Variants in SPI1 observed in about 807,000 individuals in gnomAD.
SPI1 encodes transcription factor PU.1.
SPI1 carries 3 observed loss-of-function variants against 30.7 expected under a neutral mutation model. The observed-to-expected ratio is 0.10, with a 90% CI of 0.04 to 0.25. SPI1 has a LOEUF of 0.25. SPI1 is among the 10% of genes least tolerant of loss of function. The pLI, the probability that SPI1 is intolerant of heterozygous loss-of-function variation, is 1.00. For missense variants in SPI1, 261 were observed against 371.5 expected (o/e 0.70, Z 2.45); for synonymous variants, 169 against 157.1 (o/e 1.08, Z -0.56).
rs115534041 is a variant in SPI1 at position 47,376,153 on chromosome 11, C to T, written c.46-424G>A. The stretch of plus-strand genomic sequence containing the variant: ...CAGCCCCTACCCACCCCCATGCAGG[C>T]GCCTGCACACTATCCCTCACACACA... On this transcript the variant is annotated intron_variant, in intron 1 of 4. Coordinates refer to ENST00000378538, the MANE Select transcript of SPI1 (RefSeq NM_003120.3). Among the ~76,000 whole-genome samples, 808 of 152,072 alleles carry T rather than the reference C, an allele frequency of 5.3e-3. 12 individuals carry two copies. The highest frequency in any genetic ancestry group is 0.018 in the African/African-American group (753 of 41,444).
At chr11:47,372,766 G>T (rs11039213) in intron 2 of SPI1, among the ~76,000 whole-genome samples, 2 of 152,216 alleles carry the variant, frequency 1.3e-5, no homozygotes, top group East Asian at 3.9e-4. Context: ...TCCTCTGCAC[G>T]TTACCTTACC....
chr11:47,355,081 G>T lies in SPI1; in HGVS notation c.*146C>A. ...CGGGATGTGGAGGGGGCCTGGAGTG[G>T]GGGGAGGGGGCGGGTGAGGCGAGGC... is the stretch of plus-strand genomic sequence containing the variant. On this transcript the variant is annotated 3_prime_UTR_variant, in exon 5 of 5. Coordinates refer to ENST00000378538, the MANE Select transcript of SPI1 (RefSeq NM_003120.3). The T allele has an allele frequency of 4.2e-6, 2 of 474,888 alleles. No individual in the cohort carries two copies. Among genetic ancestry groups the T allele is most frequent in the African/African-American group, 2.1e-5 (1 of 48,570 alleles). The allele number at this position is 474,888 out of a possible 1,614,324, so 29.4% of individuals were successfully genotyped here. A position where few individuals can be genotyped will look rare whatever the true frequency, so the allele number is the denominator to read the frequency against.
At chr11:47,360,795 A>G (rs2095919593) in intron 2 of SPI1, among the ~76,000 whole-genome samples, 1 of 145,588 alleles carries the variant, frequency 6.9e-6, no homozygotes. Context: ...ACTGCACTCC[A>G]GCCTGGCGAC....
intron 2 of SPI1, among the ~76,000 whole-genome samples, chr11:47,360,993 T>C (rs1378925043): frequency 7.1e-6 from 1 of 140,786 alleles, no homozygotes; most frequent in Non-Finnish European, 1.5e-5. Context: ...TGGTGGCGGG[T>C]GCCTGTAGTC....
chr11:47,362,650 A>G (rs2095922528), intron 2 of SPI1, among the ~76,000 whole-genome samples: 1 of 141,318 alleles, frequency 7.1e-6, no homozygotes, highest in Non-Finnish European at 1.5e-5. Context: ...ATATCGGCTC[A>G]CTGCAACCTC....
chr11:47,378,196 C>G, intron 1 of SPI1, 113 bp downstream of exon 1: 1 of 1,174,670 alleles, frequency 8.5e-7, no homozygotes, highest in African/African-American at 1.5e-5. Context: ...GAAACCCTGA[C>G]TTCCCACTGA....
At chr11:47,367,338 T>G (rs2095929762) in intron 2 of SPI1, among the ~76,000 whole-genome samples, 1 of 151,846 alleles carries the variant, frequency 6.6e-6, no homozygotes, top group Non-Finnish European at 1.5e-5. Flanking sequence ...TGGATCATTT[T>G]AGGTCAGGAG....
rs1472818255 is a variant in SPI1, at chr11:47,359,810, G to C, written c.330+43C>G. ...GTGAAGCTCCCGGGCCCCACCACAG[G>C]CCTGGCAGTCTCCTGGGGGACGGGG... On this transcript the variant is annotated intron_variant, in intron 3 of 4. Transcript: ENST00000378538. This position sits in a 1 kb window ranked among gnomAD's most constrained non-coding sequence, Gnocchi z 5.1. 10 of 1,591,360 alleles carry C rather than the reference G, an allele frequency of 6.3e-6. No homozygotes were observed. The highest frequency in any genetic ancestry group is 8.5e-6 in the Non-Finnish European group (10 of 1,173,446).
chr11:47,358,390 A>G, intron 4 of SPI1: 1 of 615,184 alleles, frequency 1.6e-6, no homozygotes, highest in Non-Finnish European at 3.0e-6. Context: ...CACTGACATC[A>G]TACGTGCACA....
rs1032809675 is a variant in SPI1 at position 47,378,348 on chromosome 11, T to A, written c.6A>T (p.Leu2Phe). Reference protein sequence around the residue: MLQACKMEGFPL... With the variant: MFQACKMEGFPL... ...GAAACCCTTCCATTTTGCACGCCTGTAACATCCAGCCGGGCTCCGAGTCGG... is the reference window on the plus strand; with the variant it reads ...GAAACCCTTCCATTTTGCACGCCTGAAACATCCAGCCGGGCTCCGAGTCGG... The change falls in exon 1 of 5, where the codon TTA (leucine) becomes TTT (phenylalanine). Residue 2 changes from leucine (L) to phenylalanine (F), a missense_variant. By Grantham distance (22) the Leu-to-Phe change is conservative. Transcript: ENST00000378538. 3.7e-6 allele frequency: 6 copies of A among 1,613,226 alleles called. No individual in the cohort carries two copies. In the Admixed American group the frequency reaches 1.0e-4, roughly 27 times the overall value.
In SPI1 at chr11:47,378,354, C is replaced by A; in HGVS notation, c.-1G>T. On this transcript the variant is annotated 5_prime_UTR_variant, in exon 1 of 5. Transcript: ENST00000378538. The stretch of plus-strand genomic sequence containing the variant: ...CTTCCATTTTGCACGCCTGTAACAT[C>A]CAGCCGGGCTCCGAGTCGGTCAGAT... 1.2e-6 allele frequency: 2 copies of A among 1,612,992 alleles called. No individual in the cohort carries two copies. Among genetic ancestry groups the A allele is most frequent in the South Asian group, 1.1e-5 (1 of 90,838 alleles).
chr11:47,372,628 T>G (rs1407233263), intron 2 of SPI1, among the ~76,000 whole-genome samples: 5 of 152,054 alleles, frequency 3.3e-5, no homozygotes, highest in Non-Finnish European at 7.4e-5. Context: ...GGTGGCAGAT[T>G]GACTGTCCCC....
At chr11:47,368,709 G>A (rs765252310) in intron 2 of SPI1, among the ~76,000 whole-genome samples, 8 of 152,184 alleles carry the variant, frequency 5.3e-5, no homozygotes, top group Admixed American at 1.3e-4. Flanking sequence ...GGGGTACCTA[G>A]AATAGGCAAA....
At chr11:47,378,273 C>T in intron 1 of SPI1, 36 bp downstream of exon 1, 1 of 1,609,932 alleles carries the variant, frequency 6.2e-7, no homozygotes. Flanking sequence ...GTCCGAGGGC[C>T]ACGGGTTGGG....
rs566630090 is a variant in SPI1 at position 47,365,519 on chromosome 11, G to A, written c.143-5479C>T. Among the ~76,000 whole-genome samples, 27 of 152,226 alleles carry A rather than the reference G, an allele frequency of 1.8e-4. 1 individual carries two copies. Among genetic ancestry groups the A allele is most frequent in the African/African-American group, 6.3e-4 (26 of 41,526 alleles). On this transcript the variant is annotated intron_variant, in intron 2 of 4. Transcript: ENST00000378538. ...ACAGTATAATCTATCTTTTGCATAG[G>A]AGGAATCTATGGCTCAGAGAAGTTA... is the stretch of plus-strand genomic sequence containing the variant.
At chr11:47,355,572 G>GGGGGCCC in intron 4 of SPI1, 26 bp from the exon 5 acceptor site, 1 of 1,536,732 alleles carries the variant, frequency 6.5e-7, no homozygotes, top group Non-Finnish European at 8.8e-7. Flanking sequence ...CCCGGTGGGA[G>GGGGGCCC]GGGGCCCGGG....
At chr11:47,373,939 C>T (rs1397197821) in intron 2 of SPI1, among the ~76,000 whole-genome samples, 3 of 152,216 alleles carry the variant, frequency 2.0e-5, no homozygotes, top group Non-Finnish European at 4.4e-5. Flanking sequence ...ATGTGGGCAG[C>T]GCCCTCATAT....
intron 4 of SPI1, among the ~76,000 whole-genome samples, chr11:47,356,988 A>G (rs1046933666): frequency 2.7e-5 from 4 of 148,212 alleles, no homozygotes; most frequent in Non-Finnish European, 6.0e-5. Flanking sequence ...ACACATGCTC[A>G]CCTATCCATA....
Position 47,354,991 on chromosome 11 carries a change from C to G in SPI1, c.*236G>C, listed in dbSNP as rs1028663174. On this transcript the variant is annotated 3_prime_UTR_variant, in exon 5 of 5. Coordinates refer to ENST00000378538, the MANE Select transcript of SPI1 (RefSeq NM_003120.3). Reference sequence around the variant, plus strand: ...CCCGGGTCGTCCTCTGCAAGGTTGCCCCGGTGGGGTCTGACGCCCAGCTGG... The same window carrying G: ...CCCGGGTCGTCCTCTGCAAGGTTGCGCCGGTGGGGTCTGACGCCCAGCTGG... 1 of 340,274 alleles carries G rather than the reference C, an allele frequency of 2.9e-6. No homozygotes were observed. The highest frequency in any genetic ancestry group is 4.9e-5 in the Admixed American group (1 of 20,560). 21.1% of individuals were successfully genotyped at this position (340,274 alleles called of 1,614,324 possible).
Sources: gnomAD v4.1 joint callset for allele counts (sites outside exome capture counted in the v4.1 genomes callset) on GRCh38, gnomAD v4.1.1 for gene constraint, Gnocchi (gnomAD v3.1) non-coding constraint, MANE v1.5 for transcripts, NCBI Gene and HGNC (gene_info 2026-07-23, HGNC 2026-07-21) for gene names.